Variants in SORCS1 observed in about 807,000 individuals in gnomAD.
SORCS1 encodes the protein sortilin related VPS10 domain containing receptor 1, also known as VPS10 domain-containing receptor SorCS1.
In SORCS1, 60 loss-of-function variants were observed where a neutral mutation model predicts 146.1. The ratio of observed to expected loss-of-function variants is 0.41; its 90% CI spans 0.33 to 0.51. SORCS1 has a LOEUF of 0.51. SORCS1 is among the 20% of genes least tolerant of loss of function. The pLI, the probability that SORCS1 is intolerant of heterozygous loss-of-function variation, is 0.21. For missense variants in SORCS1, 1,352 were observed against 1,487.6 expected (o/e 0.91, Z 1.50); for synonymous variants, 637 against 584.0 (o/e 1.09, Z -1.31).
intron 5 of SORCS1, among the ~76,000 whole-genome samples, chr10:106,731,542 C>T (rs534836026): frequency 6.6e-6 from 1 of 152,200 alleles, no homozygotes; most frequent in African/African-American, 2.4e-5. Flanking sequence ...GTTTAAGACA[C>T]AAGTGAAAAG....
intron 18 of SORCS1, among the ~76,000 whole-genome samples, chr10:106,645,327 C>A (rs868020270): frequency 1.3e-5 from 2 of 152,188 alleles, no homozygotes; most frequent in Middle Eastern, 3.4e-3. Context: ...TGCCACCATG[C>A]CCAGCTCATT....
the SORCS1 span, among the ~76,000 whole-genome samples, chr10:107,175,059 A>C: frequency 6.6e-6 from 1 of 152,230 alleles, no homozygotes; most frequent in Non-Finnish European, 1.5e-5. Context: ...TGTCAATATT[A>C]ACTAATTATC....
At chr10:107,087,116 C>A (rs891566107) in intron 1 of SORCS1, among the ~76,000 whole-genome samples, 26 of 152,156 alleles carry the variant, frequency 1.7e-4, no homozygotes, top group African/African-American at 5.6e-4. Context: ...TATTTTTATT[C>A]TTTTGTGGCT....
intron 1 of SORCS1, among the ~76,000 whole-genome samples, chr10:107,069,658 G>A (rs1232624031): frequency 6.6e-6 from 1 of 152,120 alleles, no homozygotes; most frequent in Non-Finnish European, 1.5e-5. Flanking sequence ...TTACAGGCGT[G>A]AGCCACCTCG....
chr10:106,935,505 T>A lies in SORCS1; in HGVS notation c.626+21008A>T, dbSNP rs192324875. ...AATGAGTTATAATGGATACATTTTTTAAAAAAAATTCCTAGAAGAAATAGG... is the reference window on the plus strand; with the variant it reads ...AATGAGTTATAATGGATACATTTTTAAAAAAAAATTCCTAGAAGAAATAGG... On this transcript the variant is annotated intron_variant, in intron 2 of 25. Coordinates refer to ENST00000263054, the MANE Select transcript of SORCS1 (RefSeq NM_052918.5). 1.8e-3 allele frequency among the ~76,000 whole-genome samples: 270 copies of A among 152,168 alleles called. 9 individuals carry two copies. The East Asian group carries it at 0.042, about 23-fold the overall frequency.
chr10:107,115,198 G>A (rs1965945501), intron 1 of SORCS1, among the ~76,000 whole-genome samples: 1 of 151,552 alleles, frequency 6.6e-6, no homozygotes, highest in South Asian at 2.1e-4. Flanking sequence ...TACAAAGTCA[G>A]TGCAATCTCT....
chr10:107,132,051 C>T (rs1365064641), intron 1 of SORCS1, among the ~76,000 whole-genome samples: 1 of 152,176 alleles, frequency 6.6e-6, no homozygotes, highest in Non-Finnish European at 1.5e-5. Flanking sequence ...ACTTCTCAGA[C>T]TCAACTAAGT....
At chr10:106,944,568 A>G (rs945151672) in intron 2 of SORCS1, among the ~76,000 whole-genome samples, 2 of 152,212 alleles carry the variant, frequency 1.3e-5, no homozygotes, top group African/African-American at 2.4e-5. Context: ...ACAGGCTGCA[A>G]ATTACTTAAG....
intron 1 of SORCS1, among the ~76,000 whole-genome samples, chr10:106,961,565 G>A (rs533330075): frequency 5.3e-5 from 8 of 152,306 alleles, no homozygotes; most frequent in Non-Finnish European, 1.2e-4. Flanking sequence ...CCCACAGAAA[G>A]TGCGATGGAA....
At chr10:106,589,413 T>C (rs1401682159) in intron 24 of SORCS1, among the ~76,000 whole-genome samples, 2 of 152,180 alleles carry the variant, frequency 1.3e-5, no homozygotes, top group Non-Finnish European at 2.9e-5. Context: ...AATTTACTCA[T>C]GACCAAGGGT....
intron 1 of SORCS1, among the ~76,000 whole-genome samples, chr10:107,063,363 G>A (rs1378239462): frequency 6.6e-6 from 1 of 152,166 alleles, no homozygotes; most frequent in Non-Finnish European, 1.5e-5. Context: ...ATACTTGTAT[G>A]TTACTATTTC....
intron 2 of SORCS1, among the ~76,000 whole-genome samples, chr10:106,918,587 G>A (rs1952557321): frequency 6.6e-6 from 1 of 152,022 alleles, no homozygotes; most frequent in African/African-American, 2.4e-5. Context: ...ACAGGGAAGA[G>A]GAAAAATAGA....
At chr10:106,996,946 A>G (rs1957028675) in intron 1 of SORCS1, among the ~76,000 whole-genome samples, 1 of 152,150 alleles carries the variant, frequency 6.6e-6, no homozygotes, top group Admixed American at 6.6e-5. Flanking sequence ...ATGGGACTCA[A>G]TTTCCATTGC....
At chr10:106,812,225 C>T (rs1947497440) in intron 3 of SORCS1, among the ~76,000 whole-genome samples, 2 of 152,166 alleles carry the variant, frequency 1.3e-5, no homozygotes, top group African/African-American at 4.8e-5. Context: ...TGGTCTCGAT[C>T]TCCTGACCTC....
At chr10:106,934,809 G>C (rs1953625656) in intron 2 of SORCS1, among the ~76,000 whole-genome samples, 1 of 152,152 alleles carries the variant, frequency 6.6e-6, no homozygotes, top group Non-Finnish European at 1.5e-5. Flanking sequence ...AGTAACTCGG[G>C]AATGGAAAAC....
At chr10:106,664,958 C>A (rs1851018366) in intron 17 of SORCS1, among the ~76,000 whole-genome samples, 1 of 152,068 alleles carries the variant, frequency 6.6e-6, no homozygotes, top group Non-Finnish European at 1.5e-5. Flanking sequence ...ATTTTATTAA[C>A]CTTTTCATTT....
chr10:106,880,740 T>C (rs1950773464), intron 2 of SORCS1, among the ~76,000 whole-genome samples: 1 of 152,062 alleles, frequency 6.6e-6, no homozygotes. Context: ...AGTATCAGTA[T>C]AACTCTTTGT....
chr10:107,125,426 C>G (rs860288), intron 1 of SORCS1, among the ~76,000 whole-genome samples: 15 of 152,132 alleles, frequency 9.9e-5, no homozygotes, highest in African/African-American at 3.1e-4. Context: ...AGCATTCTGC[C>G]TGGATGTGCT....
intron 1 of SORCS1, among the ~76,000 whole-genome samples, chr10:107,128,391 C>T (rs1966827773): frequency 6.6e-6 from 1 of 152,122 alleles, no homozygotes; most frequent in Non-Finnish European, 1.5e-5. Context: ...CTTTCACAGT[C>T]GCTGGGCAAG....
Sources: allele counts gnomAD v4.1 joint callset (sites outside exome capture counted in the v4.1 genomes callset), GRCh38; gene constraint gnomAD v4.1.1; transcripts MANE v1.5; gene names NCBI Gene and HGNC (gene_info 2026-07-23, HGNC 2026-07-21).